ARPC2: variants seen among roughly 807,000 people sequenced by gnomAD.
ARPC2 encodes actin related protein 2/3 complex subunit 2, also known as actin-related protein 2/3 complex subunit 2.
A neutral mutation model predicts 38.6 loss-of-function variants in ARPC2; 4 were observed. That is an observed-to-expected ratio of 0.10 (90% CI 0.05 to 0.24). ARPC2 has a LOEUF of 0.24. ARPC2 is among the 10% of genes least tolerant of loss of function. ARPC2 has a pLI of 1.00. For missense variants in ARPC2, 229 were observed against 387.3 expected, an observed-to-expected ratio of 0.59 and a Z score of 3.43; for synonymous variants, 125 against 140.8, an observed-to-expected ratio of 0.89 and a Z score of 0.79.
At chr2:218,237,159 A>G (rs1176582069) in intron 5 of ARPC2, among the ~76,000 whole-genome samples, 3 of 151,566 alleles carry the variant, frequency 2.0e-5, no homozygotes, top group South Asian at 4.2e-4. Context: ...TGCTCACAAC[A>G]TTCTCCCCTA....
chr2:218,249,323 G>T, intron 8 of ARPC2, 41 bp from the exon 9 acceptor site: 2 of 1,444,580 alleles, frequency 1.4e-6, no homozygotes, highest in Non-Finnish European at 1.9e-6. Context: ...TTTGGCATTT[G>T]TGTCGTGTCC....
intron 10 of ARPC2, 71 bp from the exon 11 acceptor site, chr2:218,253,820 A>C: frequency 6.4e-7 from 1 of 1,562,732 alleles, no homozygotes; most frequent in South Asian, 1.2e-5. Context: ...GATCCCATCT[A>C]GTCTAGGAGT....
At chr2:218,248,422 G>T (rs527851722) in intron 8 of ARPC2, among the ~76,000 whole-genome samples, 2 of 152,336 alleles carry the variant, frequency 1.3e-5, no homozygotes, top group South Asian at 4.1e-4. Context: ...GGCAAGAGGG[G>T]CATGCAGGCC....
rs1404003408 is a variant in ARPC2 at position 218,238,597 on chromosome 2, T to TTG, written c.269-66_269-65insGT. On this transcript the variant is annotated intron_variant, in intron 5 of 10. Transcript: ENST00000315717. ...GGTATAGATAGTATGCTGCTTTTTTTTTTTTTTTTTTTTTTAAATGTAACT... is the reference window on the plus strand; with the variant it reads ...GGTATAGATAGTATGCTGCTTTTTTTTGTTTTTTTTTTTTTTTAAATGTAACT... 13 of 908,668 alleles carry TTG rather than the reference T, an allele frequency of 1.4e-5. No homozygotes were observed. The East Asian group carries it at 3.8e-4, about 26-fold the overall frequency. 56.3% of individuals were successfully genotyped at this position (908,668 alleles called of 1,614,324 possible).
intron 4 of ARPC2, among the ~76,000 whole-genome samples, chr2:218,231,129 A>C (rs1188344127): frequency 6.6e-6 from 1 of 152,182 alleles, no homozygotes; most frequent in Non-Finnish European, 1.5e-5. Flanking sequence ...GAAGGTTATT[A>C]CTTTGTCACA....
In ARPC2 at chr2:218,249,371, C is replaced by G; in HGVS notation, c.684C>G (p.Phe228Leu). The G allele has an allele frequency of 6.2e-7, 1 of 1,612,016 alleles. No individual in the cohort carries two copies. Among genetic ancestry groups the G allele is most frequent in the Non-Finnish European group, 8.5e-7 (1 of 1,178,894 alleles). ...TGTGTCTTCCGCCTTCAGTGCTGTT[C>G]CCTCGTCACACCAATGCCAGTGCTC... ...DNIGYITFVL[F>L]PRHTNASARD... The change falls in exon 9 of 11, where the codon TTC becomes TTG. Residue 228 changes from phenylalanine (F) to leucine (L), a missense_variant. Coordinates refer to ENST00000315717, the MANE Select transcript of ARPC2 (RefSeq NM_152862.3).
intron 8 of ARPC2, 136 bp downstream of exon 8, chr2:218,245,682 G>A: frequency 8.4e-7 from 1 of 1,188,204 alleles, no homozygotes; most frequent in Admixed American, 2.3e-5. Flanking sequence ...TGTTGCCATT[G>A]CAGTGACTAA....
chr2:218,241,642 C>T (rs183018557), intron 7 of ARPC2, among the ~76,000 whole-genome samples: 1 of 152,356 alleles, frequency 6.6e-6, no homozygotes, highest in Admixed American at 6.5e-5. Context: ...CAGATCTTAT[C>T]TTGGAGAGTG....
chr2:218,226,803 G>GT (rs34923108), intron 3 of ARPC2, among the ~76,000 whole-genome samples: 2 of 151,074 alleles, frequency 1.3e-5, no homozygotes, highest in African/African-American at 2.4e-5. Context: ...TAAAACTGAG[G>GT]TTTTTTTGTT....
At chr2:218,222,540 C>T (rs1302943541) in intron 2 of ARPC2, among the ~76,000 whole-genome samples, 3 of 152,114 alleles carry the variant, frequency 2.0e-5, no homozygotes, top group Non-Finnish European at 4.4e-5. Context: ...CTTACCCAGC[C>T]GGCTTGTTCT....
chr2:218,227,447 T>C (rs1260061163), intron 3 of ARPC2, among the ~76,000 whole-genome samples: 3 of 152,144 alleles, frequency 2.0e-5, no homozygotes, highest in African/African-American at 7.2e-5. Context: ...TTTTTGAGAC[T>C]GAGTCTCACT....
chr2:218,247,726 G>T (rs113046364), intron 8 of ARPC2, among the ~76,000 whole-genome samples: 3,519 of 152,100 alleles, frequency 0.023, 111 homozygotes, highest in African/African-American at 0.079. Flanking sequence ...AGTGGATCAC[G>T]ATGTCAGGAG....
rs371646464 is a variant in ARPC2, at chr2:218,249,871, G to T, written c.828G>T (p.Val276=). 1 of 1,613,882 alleles carries T rather than the reference G, an allele frequency of 6.2e-7. No individual in the cohort carries two copies. The highest frequency in any genetic ancestry group is 8.5e-7 in the Non-Finnish European group (1 of 1,179,940). Residue 276 remains valine, a synonymous_variant, in exon 10 of 11, where the codon GTG becomes GTT. Transcript: ENST00000315717. ...CGAAAACGTCTGACTTCCTCAAGGTGCTGAACCGCGCACGCCCAGATGCCG... is the reference window on the plus strand; with the variant it reads ...CGAAAACGTCTGACTTCCTCAAGGTTCTGAACCGCGCACGCCCAGATGCCG... ...MRAKTSDFLK[V]LNRARPDAEK... is the part of the protein sequence containing the mutation.
chr2:218,248,551 C>G (rs538342285), intron 8 of ARPC2, among the ~76,000 whole-genome samples: 168 of 152,318 alleles, frequency 1.1e-3, no homozygotes, highest in African/African-American at 3.8e-3. Context: ...ACCTCCACCC[C>G]CCGGGTTTAA....
chr2:218,224,959 C>T (rs1229980609), intron 2 of ARPC2, among the ~76,000 whole-genome samples: 1 of 152,172 alleles, frequency 6.6e-6, no homozygotes, highest in East Asian at 1.9e-4. Context: ...AGGTCTTGAG[C>T]AAGTTAGACA....
chr2:218,249,259 T>G, intron 8 of ARPC2, 105 bp from the exon 9 acceptor site: 2 of 720,386 alleles, frequency 2.8e-6, no homozygotes, highest in African/African-American at 1.8e-5. Context: ...ACAAGTGGAG[T>G]GTACTTAAGC....
chr2:218,231,203 G>A (rs1419375742), intron 4 of ARPC2, among the ~76,000 whole-genome samples: 1 of 137,384 alleles, frequency 7.3e-6, no homozygotes, highest in African/African-American at 2.7e-5. Context: ...ATGAGTGATA[G>A]GTTGCCTCCA....
At chr2:218,221,359 C>T (rs976481289) in intron 2 of ARPC2, among the ~76,000 whole-genome samples, 2 of 152,174 alleles carry the variant, frequency 1.3e-5, no homozygotes, top group Non-Finnish European at 2.9e-5. Context: ...AAATATATTG[C>T]ATATGTCCTC....
At position 218,238,612 on chromosome 2, in the gene ARPC2, TA is replaced by T; in HGVS notation, c.269-49del. On this transcript the variant is annotated intron_variant, in intron 5 of 10. Coordinates refer to ENST00000315717, the MANE Select transcript of ARPC2 (RefSeq NM_152862.3). ...CTGCTTTTTTTTTTTTTTTTTTTTT[TA>T]AATGTAACTGCTGGGTTGTTTTTTG... 1.1e-5 allele frequency: 9 copies of T among 823,464 alleles called. No individual in the cohort carries two copies. The East Asian group carries it at 1.2e-4, about 11-fold the overall frequency. The allele number at this position is 823,464 out of a possible 1,614,324, so 51.0% of individuals were successfully genotyped here. A position where few individuals can be genotyped will look rare whatever the true frequency, so the allele number is the denominator to read the frequency against.
Sources: allele counts gnomAD v4.1 joint callset (sites outside exome capture counted in the v4.1 genomes callset), GRCh38; gene constraint gnomAD v4.1.1; transcripts MANE v1.5; gene names NCBI Gene and HGNC (gene_info 2026-07-23, HGNC 2026-07-21).